The following MYH15 variants were observed in gnomAD, a reference collection of about 807,000 sequenced individuals.
The protein encoded by MYH15 is myosin-15.
A neutral mutation model predicts 240.5 loss-of-function variants in MYH15; 227 were observed. That is an observed-to-expected ratio of 0.94 (90% CI 0.85 to 1.05). MYH15 has a LOEUF of 1.05. MYH15 is among the 50% of genes least tolerant of loss of function. The pLI is 0.00. For missense variants in MYH15, 2,217 were observed against 2,247.5 expected (o/e 0.99, Z 0.27); for synonymous variants, 785 against 796.7 (o/e 0.99, Z 0.25).
At chr3:108,538,360 A>T in the MYH15 span, among the ~76,000 whole-genome samples, 2 of 152,236 alleles carry the variant, frequency 1.3e-5, no homozygotes, top group Non-Finnish European at 2.9e-5. Flanking sequence ...CAGGAAGCTG[A>T]AATCCTGCCT....
At chr3:108,532,790 A>C (rs764075294), upstream of MYH15, among the ~76,000 whole-genome samples, 25 of 152,340 alleles carry the variant, frequency 1.6e-4, no homozygotes, top group South Asian at 6.2e-4. Flanking sequence ...AAGAGAAGGC[A>C]GTAAAATTAA....
chr3:108,441,960 T>C (rs1375113964), intron 22 of MYH15, among the ~76,000 whole-genome samples: 1 of 152,196 alleles, frequency 6.6e-6, no homozygotes. Context: ...GTTTCTGTGT[T>C]ATGGGTCAAG....
At chr3:108,464,113 CTT>C (rs773518904) in intron 15 of MYH15, among the ~76,000 whole-genome samples, 1 of 152,138 alleles carries the variant, frequency 6.6e-6, no homozygotes, top group Non-Finnish European at 1.5e-5. Flanking sequence ...TATCAATTCT[CTT>C]TTTGTTCCAC....
At chr3:108,426,243 C>T (rs779313516) in intron 27 of MYH15, among the ~76,000 whole-genome samples, 2 of 147,054 alleles carry the variant, frequency 1.4e-5, no homozygotes, top group African/African-American at 2.5e-5. Context: ...GACAACCAAA[C>T]ATTTGATAAG....
chr3:108,460,338 T>A lies in MYH15; in HGVS notation c.1894A>T (p.Lys632Ter). The A allele has an allele frequency of 1.2e-6, 2 of 1,604,094 alleles. No homozygotes were observed. The highest frequency in any genetic ancestry group is 1.7e-6 in the Non-Finnish European group (2 of 1,175,800). Residue 632 changes from lysine to a stop codon, truncating the protein, a stop_gained, in exon 17 of 41, where the codon AAA becomes TAA. Transcript: ENST00000693548. LOFTEE classifies it high-confidence loss of function. ...GCAACCGTTTGGAATGAAGCTCCTT[T>A]CTTTCGTTTCTTCTCCCCAAATGGT... is the stretch of plus-strand genomic sequence containing the variant. ...AIPFGEKKRK[K>*]GASFQTVASL...
intron 27 of MYH15, among the ~76,000 whole-genome samples, chr3:108,422,096 T>A (rs2107555703): frequency 6.6e-6 from 1 of 152,250 alleles, no homozygotes; most frequent in East Asian, 1.9e-4. Flanking sequence ...TTAACTATAG[T>A]TTGCATTCTT....
intron 27 of MYH15, among the ~76,000 whole-genome samples, chr3:108,421,620 A>AT (rs1462034491): frequency 6.6e-6 from 1 of 152,158 alleles, no homozygotes; most frequent in African/African-American, 2.4e-5. Context: ...TATACCCCCT[A>AT]TTGTATAGAA....
chr3:108,389,265 A>G (rs1319053152), intron 37 of MYH15, among the ~76,000 whole-genome samples, 191 bp from the exon 38 acceptor site: 1 of 152,222 alleles, frequency 6.6e-6, no homozygotes, highest in Non-Finnish European at 1.5e-5. Flanking sequence ...GGATTCATAA[A>G]AGAACTATTT....
chr3:108,388,549 GA>G (rs1457209165), intron 38 of MYH15, among the ~76,000 whole-genome samples: 1 of 152,000 alleles, frequency 6.6e-6, no homozygotes, highest in Non-Finnish European at 1.5e-5. Flanking sequence ...AATAGGAGTG[GA>G]AATGCCCCCC....
intron 35 of MYH15, among the ~76,000 whole-genome samples, chr3:108,396,643 A>C (rs1426026833): frequency 2.0e-5 from 3 of 152,140 alleles, no homozygotes; most frequent in African/African-American, 7.2e-5. Context: ...AAAAGTCTGT[A>C]GTCTATTTTA....
Position 108,391,935 on chromosome 3 carries a change from G to C in MYH15, c.5260-5C>G. 6.2e-7 allele frequency: 1 copy of C among 1,612,064 alleles called. No homozygotes were observed. Among genetic ancestry groups the C allele is most frequent in the Non-Finnish European group, 8.5e-7 (1 of 1,179,322 alleles). ...TTCTTCTGACAAGTTTGCTGCCTAG[G>C]GGGTTAAAAAAAGGGACTGAGCTAG... On this transcript the variant is annotated splice_region_variant and splice_polypyrimidine_tract_variant and intron_variant, in intron 36 of 40. Transcript: ENST00000693548.
chr3:108,406,180 T>C (rs1033212593), intron 32 of MYH15, among the ~76,000 whole-genome samples: 3 of 149,536 alleles, frequency 2.0e-5, no homozygotes, highest in African/African-American at 7.3e-5. Flanking sequence ...AAGCTAAAAA[T>C]GTATATAAAA....
intron 11 of MYH15, among the ~76,000 whole-genome samples, chr3:108,484,638 C>G (rs188368376): frequency 2.5e-3 from 377 of 152,198 alleles, no homozygotes; most frequent in African/African-American, 8.2e-3. Context: ...GCAACCACGC[C>G]TGGCCAATTT....
At chr3:108,397,659 T>C (rs1014312027) in intron 35 of MYH15, among the ~76,000 whole-genome samples, 1 of 152,182 alleles carries the variant, frequency 6.6e-6, no homozygotes, top group Admixed American at 6.5e-5. Context: ...TTCTTCTGAT[T>C]CTAGGATAAG....
At chr3:108,534,880 T>C in the MYH15 span, among the ~76,000 whole-genome samples, 1 of 151,868 alleles carries the variant, frequency 6.6e-6, no homozygotes, top group Non-Finnish European at 1.5e-5. Flanking sequence ...CATTGTCTCT[T>C]AAAAAAATCA....
chr3:108,488,269 G>C (rs2083320951), intron 9 of MYH15, among the ~76,000 whole-genome samples: 1 of 151,866 alleles, frequency 6.6e-6, no homozygotes, highest in Admixed American at 6.6e-5. Flanking sequence ...TGTCCTTCAG[G>C]TTCATTCATG....
intron 1 of MYH15, among the ~76,000 whole-genome samples, chr3:108,526,444 A>G (rs2083671743): frequency 6.6e-6 from 1 of 152,022 alleles, no homozygotes; most frequent in Non-Finnish European, 1.5e-5. Flanking sequence ...TGATCTATTC[A>G]CAGGTTTCCA....
chr3:108,475,966 A>C (rs1007336131), intron 12 of MYH15, among the ~76,000 whole-genome samples: 1 of 152,200 alleles, frequency 6.6e-6, no homozygotes, highest in Non-Finnish European at 1.5e-5. Context: ...GATTTTTAGC[A>C]TATGTCCTAA....
intron 33 of MYH15, among the ~76,000 whole-genome samples, chr3:108,400,362 A>G (rs1324460503): frequency 1.3e-5 from 2 of 152,220 alleles, no homozygotes; most frequent in Non-Finnish European, 2.9e-5. Flanking sequence ...GTTAAGCTCA[A>G]TTCATGAAAC....
Sources: allele counts gnomAD v4.1 joint callset (sites outside exome capture counted in the v4.1 genomes callset), GRCh38; gene constraint gnomAD v4.1.1; transcripts MANE v1.5; gene names NCBI Gene and HGNC (gene_info 2026-07-23, HGNC 2026-07-21).